The following HS2ST1 variants were observed in gnomAD, a reference collection of about 807,000 sequenced individuals.
The protein encoded by HS2ST1 is heparan sulfate 2-O-sulfotransferase 1, also known as 2-O-sulfotransferase.
Under a neutral mutation model 42.9 loss-of-function variants are expected in HS2ST1, and 18 were observed. The observed-to-expected ratio is 0.42, with a 90% confidence interval of 0.29 to 0.62. The LOEUF is 0.62. Ranked by LOEUF, HS2ST1 falls within the 20% of genes least tolerant of loss-of-function variation. HS2ST1 has a pLI of 0.21. For missense variants in HS2ST1, 334 were observed against 433.8 expected (o/e 0.77, Z 2.04); for synonymous variants, 146 against 152.9 (o/e 0.95, Z 0.33).
In HS2ST1 at chr1:87,027,913, C is replaced by T. The variant is rs535032836; in HGVS notation, c.125-45021C>T. 2.0e-5 allele frequency among the ~76,000 whole-genome samples: 3 copies of T among 152,344 alleles called. No homozygotes were observed. In the East Asian group the frequency reaches 5.8e-4, roughly 29 times the overall value. ...CCATGTTGGCCAGGCTGGTCTTAAA[C>T]TCCTGACCTCAAGTGATCTGCCCGC... is the stretch of plus-strand genomic sequence containing the variant. On this transcript the variant is annotated intron_variant, in intron 1 of 6. Coordinates refer to ENST00000370550, the MANE Select transcript of HS2ST1 (RefSeq NM_012262.4).
At chr1:86,986,000 G>A (rs1384792154) in intron 1 of HS2ST1, among the ~76,000 whole-genome samples, 1 of 145,512 alleles carries the variant, frequency 6.9e-6, no homozygotes, top group Non-Finnish European at 1.5e-5. Context: ...ATGTTAATGT[G>A]ATCATTACCT....
intron 1 of HS2ST1, among the ~76,000 whole-genome samples, chr1:87,042,900 C>T (rs2100606101): frequency 6.6e-6 from 1 of 152,222 alleles, no homozygotes; most frequent in East Asian, 1.9e-4. Context: ...CTTTACACCA[C>T]ATAAAATTAA....
At chr1:86,972,566 A>G (rs1170906636) in intron 1 of HS2ST1, among the ~76,000 whole-genome samples, 2 of 152,152 alleles carry the variant, frequency 1.3e-5, no homozygotes, top group Non-Finnish European at 2.9e-5. Context: ...TGTAAATTAA[A>G]CTTAATCATA....
chr1:86,936,898 C>A (rs1052089437), intron 1 of HS2ST1, among the ~76,000 whole-genome samples: 5 of 147,340 alleles, frequency 3.4e-5, no homozygotes, highest in South Asian at 2.1e-4. Context: ...GAGCTTGAGA[C>A]CAGCCTGGCC....
intron 1 of HS2ST1, among the ~76,000 whole-genome samples, chr1:87,028,050 G>A (rs7535477): frequency 0.027 from 4,109 of 152,268 alleles, 193 homozygotes; most frequent in African/African-American, 0.093. Flanking sequence ...GATATCTTCT[G>A]GTATTAATTG....
At chr1:87,049,856 T>C (rs1169515968) in intron 1 of HS2ST1, among the ~76,000 whole-genome samples, 1 of 152,108 alleles carries the variant, frequency 6.6e-6, no homozygotes, top group Non-Finnish European at 1.5e-5. Context: ...GATGGTGAAA[T>C]CTTTAATTAT....
chr1:86,969,497 G>A (rs1166644354), intron 1 of HS2ST1, among the ~76,000 whole-genome samples: 1 of 152,002 alleles, frequency 6.6e-6, no homozygotes, highest in South Asian at 2.1e-4. Flanking sequence ...ATGATCTAAT[G>A]GTTTTCTAAG....
chr1:87,083,863 T>G (rs1240271894), intron 2 of HS2ST1, among the ~76,000 whole-genome samples: 2 of 152,226 alleles, frequency 1.3e-5, no homozygotes, highest in African/African-American at 2.4e-5. Flanking sequence ...TTAGCATGTG[T>G]GTTGGCAGGG....
chr1:87,001,482 A>C (rs965984824), intron 1 of HS2ST1, among the ~76,000 whole-genome samples: 6 of 152,360 alleles, frequency 3.9e-5, no homozygotes, highest in Admixed American at 3.3e-4. Context: ...ATGGTTTCTA[A>C]AAGTCCAAGA....
At chr1:86,916,771 T>G (rs561105839) in intron 1 of HS2ST1, among the ~76,000 whole-genome samples, 1 of 152,288 alleles carries the variant, frequency 6.6e-6, no homozygotes, top group South Asian at 2.1e-4. Flanking sequence ...AAAAAAAGAC[T>G]CCTCTTGAAG....
At chr1:86,980,932 C>G (rs1368880465) in intron 1 of HS2ST1, among the ~76,000 whole-genome samples, 1 of 152,124 alleles carries the variant, frequency 6.6e-6, no homozygotes, top group East Asian at 1.9e-4. Context: ...ATGAATTAGT[C>G]TGTTTTCACA....
Position 86,915,907 on chromosome 1 carries a change from A to T in HS2ST1, c.124+747A>T, listed in dbSNP as rs533704599. Among the ~76,000 whole-genome samples, 41 of 152,276 alleles carry T rather than the reference A, an allele frequency of 2.7e-4. 1 individual carries two copies. The South Asian group carries it at 8.5e-3, about 32-fold the overall frequency. ...CACGGCAGTGTTGATGTGAATTTCG[A>T]AGAGGAGGGAACGCTGAAGGGGAAT... On this transcript the variant is annotated intron_variant, in intron 1 of 6. Transcript: ENST00000370550.
intron 1 of HS2ST1, among the ~76,000 whole-genome samples, chr1:86,963,805 C>G (rs536838566): frequency 5.7e-5 from 8 of 140,090 alleles, no homozygotes; most frequent in African/African-American, 1.8e-4. Flanking sequence ...CCCACCTCCC[C>G]CCCTGGACGG....
chr1:87,061,432 A>G (rs1448859411), intron 1 of HS2ST1, among the ~76,000 whole-genome samples: 1 of 152,080 alleles, frequency 6.6e-6, no homozygotes, highest in East Asian at 1.9e-4. Flanking sequence ...GCAACCACCA[A>G]TATATTAATA....
rs548838596 is a variant in HS2ST1 at position 87,106,335 on chromosome 1, A to G, written c.*1639A>G. On this transcript the variant is annotated 3_prime_UTR_variant, in exon 7 of 7. Transcript: ENST00000370550. Reference sequence around the variant, plus strand: ...TGAGTTCAGGAAGTTCACTGTTAGAAATAGGCTTTGTTAGCTGACTAGGGT... The same window carrying G: ...TGAGTTCAGGAAGTTCACTGTTAGAGATAGGCTTTGTTAGCTGACTAGGGT... 6.6e-6 allele frequency: 1 copy of G among 152,576 alleles called. No individual in the cohort carries two copies. Among genetic ancestry groups the G allele is most frequent in the East Asian group, 1.9e-4 (1 of 5,180 alleles). 9.5% of individuals were successfully genotyped at this position (152,576 alleles called of 1,614,324 possible). A position where few individuals can be genotyped will look rare whatever the true frequency, so the allele number is the denominator to read the frequency against.
chr1:86,986,840 C>T (rs1648798369), intron 1 of HS2ST1, among the ~76,000 whole-genome samples: 1 of 152,122 alleles, frequency 6.6e-6, no homozygotes, highest in South Asian at 2.1e-4. Flanking sequence ...ATCCCCAGAA[C>T]AGTAACATAA....
Position 86,963,684 on chromosome 1 carries a change from G to T in HS2ST1, c.124+48524G>T, listed in dbSNP as rs1030880745. Reference sequence around the variant, plus strand: ...GAGCTGTTGGGTACACCTCCCAGACGGGGGTGACAGCCGGGCAGAGGGGCT... The same window carrying T: ...GAGCTGTTGGGTACACCTCCCAGACTGGGGTGACAGCCGGGCAGAGGGGCT... On this transcript the variant is annotated intron_variant, in intron 1 of 6. Coordinates refer to ENST00000370550, the MANE Select transcript of HS2ST1 (RefSeq NM_012262.4). Among the ~76,000 whole-genome samples, 139 of 10,152 alleles carry T rather than the reference G, an allele frequency of 0.014. 1 individual carries two copies. The East Asian group carries it at 0.5, about 37-fold the overall frequency. 6.7% of individuals were successfully genotyped at this position (10,152 alleles called of 152,430 possible). A position where few individuals can be genotyped will look rare whatever the true frequency, so the allele number is the denominator to read the frequency against.
chr1:86,916,869 T>G (rs145712299), intron 1 of HS2ST1, among the ~76,000 whole-genome samples: 3 of 152,236 alleles, frequency 2.0e-5, no homozygotes, highest in African/African-American at 7.2e-5. Flanking sequence ...TTAGACACGT[T>G]ACAGTGGGTT....
intron 1 of HS2ST1, among the ~76,000 whole-genome samples, chr1:86,928,997 A>G (rs1660478923): frequency 6.6e-6 from 1 of 151,948 alleles, no homozygotes; most frequent in African/African-American, 2.4e-5. Flanking sequence ...TTAGTAAGCC[A>G]TCATGACCTC....
Sources: allele counts gnomAD v4.1 joint callset (sites outside exome capture counted in the v4.1 genomes callset), GRCh38; gene constraint gnomAD v4.1.1; transcripts MANE v1.5; gene names NCBI Gene and HGNC (gene_info 2026-07-23, HGNC 2026-07-21).